The following PON3 variants were observed in gnomAD, a reference collection of about 807,000 sequenced individuals.
PON3 encodes the protein serum paraoxonase/lactonase 3.
In PON3, 37 loss-of-function variants were observed where a neutral mutation model predicts 36.3. The ratio of observed to expected loss-of-function variants is 1.02; its 90% CI spans 0.78 to 1.34. The LOEUF (loss-of-function observed/expected upper bound fraction) is 1.34, where lower values mean the gene tolerates loss of function less well. Ranked by LOEUF, PON3 falls within the 40% of genes most tolerant of loss-of-function variation. The pLI is 0.00. For missense variants in PON3, 415 were observed against 426.5 expected (o/e 0.97, Z 0.24); for synonymous variants, 155 against 154.8 (o/e 1.00, Z -0.01).
intron 1 of PON3, among the ~76,000 whole-genome samples, chr7:95,395,164 A>C (rs1809402143): frequency 6.6e-6 from 1 of 151,968 alleles, no homozygotes; most frequent in Non-Finnish European, 1.5e-5. Flanking sequence ...TAATAGTCAA[A>C]CTCTATCACT....
chr7:95,384,974 C>G (rs1171679054), intron 3 of PON3, among the ~76,000 whole-genome samples: 1 of 152,106 alleles, frequency 6.6e-6, no homozygotes, highest in African/African-American at 2.4e-5. Flanking sequence ...CAATGATAGA[C>G]TGGATTAAGA....
intron 3 of PON3, 115 bp from the exon 4 acceptor site, chr7:95,372,453 G>C (rs536696489): frequency 1.0e-5 from 12 of 1,182,328 alleles, no homozygotes; most frequent in Non-Finnish European, 1.3e-5. Flanking sequence ...ATTTCATTTA[G>C]ATTACTGGGC....
chr7:95,390,071 T>G (rs1199533280), intron 3 of PON3, 83 bp downstream of exon 3: 1 of 1,376,878 alleles, frequency 7.3e-7, no homozygotes. Context: ...TAGGGATCCA[T>G]CTGGCAGCTC....
intron 3 of PON3, among the ~76,000 whole-genome samples, chr7:95,385,457 C>A (rs1387882040): frequency 1.3e-5 from 2 of 152,118 alleles, no homozygotes; most frequent in African/African-American, 4.8e-5. Context: ...TAGACTCCCA[C>A]ACAATACTAC....
Position 95,390,211 on chromosome 7 carries a change from T to A in PON3, c.146-2A>T. 6.2e-7 allele frequency: 1 copy of A among 1,610,088 alleles called. No homozygotes were observed. Among genetic ancestry groups the A allele is most frequent in the Non-Finnish European group, 8.5e-7 (1 of 1,176,540 alleles). On this transcript the variant is annotated splice_acceptor_variant, in intron 2 of 8. Coordinates refer to ENST00000265627, the MANE Select transcript of PON3 (RefSeq NM_000940.3). LOFTEE classifies it high-confidence loss of function. ...TATCAATATCTTCAGAGCCACTTTC[T>A]GCAAAAGAAGGGTAGAATCAGAAAA...
intron 2 of PON3, among the ~76,000 whole-genome samples, chr7:95,391,053 G>A (rs1372538034): frequency 6.6e-6 from 1 of 152,152 alleles, no homozygotes; most frequent in Non-Finnish European, 1.5e-5. Flanking sequence ...TTCTTAGCCT[G>A]TCAACCCTAC....
chr7:95,361,018 A>T (rs1808558296), intron 8 of PON3, among the ~76,000 whole-genome samples: 1 of 152,176 alleles, frequency 6.6e-6, no homozygotes, highest in Non-Finnish European at 1.5e-5. Context: ...TTGAAAATAG[A>T]GATACGAAAA....
chr7:95,386,044 G>A (rs1166120017), intron 3 of PON3, among the ~76,000 whole-genome samples: 1 of 152,010 alleles, frequency 6.6e-6, no homozygotes, highest in Non-Finnish European at 1.5e-5. Context: ...TCACCATGAT[G>A]CTATCTGGTT....
chr7:95,385,439 A>G (rs560378691), intron 3 of PON3, among the ~76,000 whole-genome samples: 1 of 152,286 alleles, frequency 6.6e-6, no homozygotes, highest in African/African-American at 2.4e-5. Context: ...GAGACCTGCC[A>G]AGAGACTTAG....
chr7:95,391,979 A>T (rs1485451847), intron 2 of PON3, among the ~76,000 whole-genome samples: 2 of 152,238 alleles, frequency 1.3e-5, no homozygotes, highest in Non-Finnish European at 2.9e-5. Context: ...AGCTAAGCCC[A>T]TCACCCCCTA....
chr7:95,369,119 C>T (rs1808757083), intron 4 of PON3, among the ~76,000 whole-genome samples: 2 of 152,200 alleles, frequency 1.3e-5, no homozygotes, highest in Non-Finnish European at 2.9e-5. Context: ...TTCCTCTAAA[C>T]TTCATTGTAT....
Position 95,396,360 on chromosome 7 carries a change from GTGCCCAGCGGCGAC to G in PON3, c.-24_-11del, listed in dbSNP as rs751817928. 4 of 1,613,620 alleles carry G rather than the reference GTGCCCAGCGGCGAC, an allele frequency of 2.5e-6. No individual in the cohort carries two copies. Among genetic ancestry groups the G allele is most frequent in the Non-Finnish European group, 3.4e-6 (4 of 1,179,766 alleles). On this transcript the variant is annotated 5_prime_UTR_variant, in exon 1 of 9. Transcript: ENST00000265627. ...CCACGAGCTTCCCCATGGTCTCGGG[GTGCCCAGCGGCGAC>G]TGCGCGGCGCCGAGAGCTCTCGGGG...
rs775990418 is a variant in PON3, at chr7:95,359,980, T to C, written c.1058A>G (p.Glu353Gly). The C allele has an allele frequency of 8.1e-6, 13 of 1,603,924 alleles. No homozygotes were observed. In the South Asian group the frequency reaches 1.3e-4, roughly 16 times the overall value. Residue 353 changes from glutamate to glycine, a missense_variant, in exon 9 of 9, where the codon GAG becomes GGG. Coordinates refer to ENST00000265627, the MANE Select transcript of PON3 (RefSeq NM_000940.3). Reference sequence around the variant, plus strand: ...TTTTTTACTATCTAGAGTCTAGAGCTCACAGTACAGAGTTTTGTGAAATAC... The same window carrying C: ...TTTTTTACTATCTAGAGTCTAGAGCCCACAGTACAGAGTTTTGTGAAATAC... ...GTVFHKTLYC[E>G]L
At chr7:95,393,182 A>G (rs1809356752) in intron 2 of PON3, among the ~76,000 whole-genome samples, 1 of 152,228 alleles carries the variant, frequency 6.6e-6, no homozygotes, top group Non-Finnish European at 1.5e-5. Context: ...ATATAGCAAT[A>G]AAATAGAAAA....
At chr7:95,377,598 C>T (rs774781419) in intron 3 of PON3, 10 of 425,710 alleles carry the variant, frequency 2.3e-5, no homozygotes, top group Non-Finnish European at 4.2e-5. Flanking sequence ...CAATATTTGC[C>T]GTTCTGCAGC....
chr7:95,390,048 T>C, intron 3 of PON3, 106 bp downstream of exon 3: 1 of 1,185,768 alleles, frequency 8.4e-7, no homozygotes, highest in Admixed American at 1.7e-5. Flanking sequence ...TACCCGGAGG[T>C]GGGATGAGAG....
At chr7:95,366,336 T>C (rs1386058791) in intron 5 of PON3, among the ~76,000 whole-genome samples, 1 of 152,156 alleles carries the variant, frequency 6.6e-6, no homozygotes, top group Non-Finnish European at 1.5e-5. Flanking sequence ...CCTGTGGAAG[T>C]CCTGTTCTCC....
intron 8 of PON3, 152 bp from the exon 9 acceptor site, chr7:95,360,283 T>C: frequency 2.4e-6 from 2 of 818,452 alleles, no homozygotes; most frequent in Non-Finnish European, 4.0e-6. Context: ...CTGATGAAAG[T>C]ACTAATGTCA....
At chr7:95,381,680 C>A (rs1052470923) in intron 3 of PON3, among the ~76,000 whole-genome samples, 4 of 152,164 alleles carry the variant, frequency 2.6e-5, no homozygotes, top group African/African-American at 4.8e-5. Flanking sequence ...GCACCCAATA[C>A]AGGAGCACCC....
Sources: gnomAD v4.1 joint callset for allele counts (sites outside exome capture counted in the v4.1 genomes callset) on GRCh38, gnomAD v4.1.1 for gene constraint, MANE v1.5 for transcripts, NCBI Gene and HGNC (gene_info 2026-07-23, HGNC 2026-07-21) for gene names.